The following GALNT13 variants were observed in gnomAD, a reference collection of about 807,000 sequenced individuals.
The protein encoded by GALNT13 is UDP-GalNAc:polypeptide N-acetylgalactosaminyltransferase 13.
A neutral mutation model predicts 64.2 loss-of-function variants in GALNT13; 28 were observed. The observed-to-expected ratio is 0.44, with a 90% CI of 0.32 to 0.60. The LOEUF is 0.60. Ranked by LOEUF, GALNT13 falls within the 20% of genes least tolerant of loss-of-function variation. The pLI, the probability that GALNT13 is intolerant of heterozygous loss-of-function variation, is 0.05. For synonymous variants in GALNT13, 214 were observed against 224.6 expected (o/e 0.95, Z 0.42); for missense variants, 577 against 669.8 (o/e 0.86, Z 1.53).
At chr2:153,815,434 T>A in the GALNT13 span, among the ~76,000 whole-genome samples, 4 of 151,930 alleles carry the variant, frequency 2.6e-5, no homozygotes, top group Admixed American at 6.6e-5. Flanking sequence ...CTCACTTTAT[T>A]CCATTCAGGT....
intron 9 of GALNT13, among the ~76,000 whole-genome samples, chr2:154,362,970 A>G (rs1313110967): frequency 1.3e-5 from 2 of 151,814 alleles, no homozygotes; most frequent in Non-Finnish European, 2.9e-5. Context: ...TTGAGTTACC[A>G]AATTCCTTAC....
At chr2:153,294,837 C>G in the GALNT13 span, among the ~76,000 whole-genome samples, 3 of 152,140 alleles carry the variant, frequency 2.0e-5, no homozygotes, top group Non-Finnish European at 4.4e-5. Flanking sequence ...GTCACTCATC[C>G]TTTTTTTCTA....
At chr2:154,080,551 A>T (rs762043508) in intron 3 of GALNT13, among the ~76,000 whole-genome samples, 5 of 151,500 alleles carry the variant, frequency 3.3e-5, no homozygotes, top group Non-Finnish European at 5.9e-5. Context: ...TAAAAACATT[A>T]TTTCTCTCAA....
the GALNT13 span, among the ~76,000 whole-genome samples, chr2:153,690,476 A>T: frequency 3.9e-5 from 6 of 152,114 alleles, no homozygotes; most frequent in African/African-American, 1.4e-4. Flanking sequence ...CTCAGTTTAA[A>T]GCTTGAAGTA....
intron 11 of GALNT13, among the ~76,000 whole-genome samples, chr2:154,411,967 C>CACTAAACATGGCACAT (rs1699815931): frequency 6.6e-6 from 1 of 151,690 alleles, no homozygotes; most frequent in Admixed American, 6.6e-5. Flanking sequence ...AAAAAATTAA[C>CACTAAACATGGCACAT]ACTAAACATG....
At chr2:153,847,833 A>G in the GALNT13 span, among the ~76,000 whole-genome samples, 2 of 152,208 alleles carry the variant, frequency 1.3e-5, no homozygotes, top group African/African-American at 2.4e-5. Flanking sequence ...GAAGTACAAT[A>G]TTGGAGAGAG....
At chr2:153,943,326 C>T (rs183102698) in intron 2 of GALNT13, among the ~76,000 whole-genome samples, 29 of 152,154 alleles carry the variant, frequency 1.9e-4, no homozygotes, top group East Asian at 9.7e-4. Context: ...AAATTGGATG[C>T]GTGCTATCTA....
chr2:153,256,726 C>G, the GALNT13 span, among the ~76,000 whole-genome samples: 2,960 of 152,278 alleles, frequency 0.019, 36 homozygotes, highest in Non-Finnish European at 0.029. Context: ...AGGTGTCAGT[C>G]TGCCCCTGCT....
chr2:153,159,323 G>T, the GALNT13 span: 1 of 152,126 alleles, frequency 6.6e-6, no homozygotes, highest in South Asian at 2.1e-4. Context: ...AACTGAATGA[G>T]CAAAAAAAGA....
the GALNT13 span, among the ~76,000 whole-genome samples, chr2:153,793,149 T>G: frequency 8.6e-5 from 13 of 151,956 alleles, no homozygotes; most frequent in Non-Finnish European, 1.3e-4. Context: ...TTATTTTGTA[T>G]TTTTAGTAGA....
the GALNT13 span, among the ~76,000 whole-genome samples, chr2:153,501,689 CAT>C: frequency 6.6e-6 from 1 of 152,072 alleles, no homozygotes; most frequent in Non-Finnish European, 1.5e-5. Flanking sequence ...TAGGGCTTCT[CAT>C]ATGTGCATTA....
the GALNT13 span, among the ~76,000 whole-genome samples, chr2:153,749,114 C>A: frequency 1.4e-4 from 22 of 151,918 alleles, no homozygotes; most frequent in Non-Finnish European, 2.5e-4. Context: ...GTTCTTGACA[C>A]CTTGGTCAAA....
the GALNT13 span, among the ~76,000 whole-genome samples, chr2:153,472,927 C>T: frequency 1.3e-5 from 2 of 151,934 alleles, no homozygotes; most frequent in African/African-American, 2.4e-5. Context: ...AGCAAACTAA[C>T]ACAGGAACAG....
At chr2:153,455,167 C>T in the GALNT13 span, among the ~76,000 whole-genome samples, 1 of 152,104 alleles carries the variant, frequency 6.6e-6, no homozygotes, top group African/African-American at 2.4e-5. Flanking sequence ...TCATTCAGTT[C>T]TTTAAAAATC....
the GALNT13 span, among the ~76,000 whole-genome samples, chr2:153,329,224 C>T: frequency 6.6e-6 from 1 of 152,286 alleles, no homozygotes; most frequent in East Asian, 1.9e-4. Context: ...TTGCTGGGAG[C>T]TGCAGACGGG....
At chr2:154,043,455 T>TATATAC (rs1341373277) in intron 3 of GALNT13, among the ~76,000 whole-genome samples, 4 of 105,012 alleles carry the variant, frequency 3.8e-5, no homozygotes, top group African/African-American at 1.6e-4. Flanking sequence ...TATATATATA[T>TATATAC]ACACACATGT....
chr2:154,298,636 T>TTTATATATACAATGTATATAAA (rs1559075782), intron 8 of GALNT13, among the ~76,000 whole-genome samples: 1 of 13,370 alleles, frequency 7.5e-5, no homozygotes, highest in Non-Finnish European at 1.6e-4. Flanking sequence ...GTATATATAA[T>TTTATATATACAATGTATATAAA]TTATATATAC....
chr2:153,971,010 T>C (rs901165658), intron 3 of GALNT13, among the ~76,000 whole-genome samples: 1 of 152,184 alleles, frequency 6.6e-6, no homozygotes, highest in Non-Finnish European at 1.5e-5. Flanking sequence ...GGAGTCACAT[T>C]GACTTTAGGT....
chr2:154,427,835 G>T (rs758866181), intron 11 of GALNT13, among the ~76,000 whole-genome samples: 3 of 152,284 alleles, frequency 2.0e-5, no homozygotes, highest in African/African-American at 4.8e-5. Context: ...CATAGGAAAA[G>T]GTACTGTCTG....
Sources: gnomAD v4.1 joint callset for allele counts (sites outside exome capture counted in the v4.1 genomes callset) on GRCh38, gnomAD v4.1.1 for gene constraint, MANE v1.5 for transcripts, NCBI Gene and HGNC (gene_info 2026-07-23, HGNC 2026-07-21) for gene names.